PSD4: variants seen among roughly 807,000 people sequenced by gnomAD.
The protein encoded by PSD4 is PH and SEC7 domain-containing protein 4.
In PSD4, 59 loss-of-function variants were observed where a neutral mutation model predicts 112.5. The observed-to-expected ratio is 0.52, with a 90% confidence interval of 0.43 to 0.65. PSD4 has a LOEUF of 0.65. Ranked by LOEUF, PSD4 falls within the 30% of genes least tolerant of loss-of-function variation. The pLI, the probability that PSD4 is intolerant of heterozygous loss-of-function variation, is 0.00. For missense variants in PSD4, 1,267 were observed against 1,352.6 expected, an observed-to-expected ratio of 0.94 and a Z score of 0.99; for synonymous variants, 533 against 540.0, an observed-to-expected ratio of 0.99 and a Z score of 0.18.
chr2:113,192,846 C>G (rs1317800629), intron 6 of PSD4, among the ~76,000 whole-genome samples: 1 of 152,192 alleles, frequency 6.6e-6, no homozygotes, highest in Non-Finnish European at 1.5e-5. Flanking sequence ...CCAGTGTCTC[C>G]CAGTGTACAC....
chr2:113,182,700 G>A lies in PSD4; in HGVS notation c.244G>A (p.Asp82Asn). Residue 82 changes from aspartate (D) to asparagine (N), a missense_variant, in exon 2 of 17, where the codon GAC becomes AAC. Transcript: ENST00000245796. Reference sequence around the variant, plus strand: ...ACACCTGGGGAGCTGGGTCCATCAGGACGGGCTGGAGCCTTGCCAGGAGCA... The same window carrying A: ...ACACCTGGGGAGCTGGGTCCATCAGAACGGGCTGGAGCCTTGCCAGGAGCA... ...LTHLGSWVHQ[D>N]GLEPCQEQTR... 6.2e-7 allele frequency: 1 copy of A among 1,609,126 alleles called. No individual in the cohort carries two copies. Among genetic ancestry groups the A allele is most frequent in the Non-Finnish European group, 8.5e-7 (1 of 1,177,082 alleles).
intron 5 of PSD4, 39 bp downstream of exon 5, chr2:113,186,294 T>C (rs1394699502): frequency 6.6e-7 from 1 of 1,521,536 alleles, no homozygotes; most frequent in African/African-American, 1.4e-5. Flanking sequence ...CTCCTAATTA[T>C]GGATGCATTT....
chr2:113,190,538 G>T (rs1688416183), intron 5 of PSD4, among the ~76,000 whole-genome samples: 1 of 152,126 alleles, frequency 6.6e-6, no homozygotes, highest in South Asian at 2.1e-4. Context: ...AGGCTCAAGT[G>T]ATCTTCCCAC....
Position 113,185,012 on chromosome 2 carries a change from C to G in PSD4, c.1112C>G (p.Thr371Ser). The change falls in exon 3 of 17, where the codon ACC (threonine) becomes AGC (serine). Residue 371 changes from threonine (T) to serine (S), a missense_variant. By Grantham distance (58) the Thr-to-Ser change is moderately conservative. Coordinates refer to ENST00000245796, the MANE Select transcript of PSD4 (RefSeq NM_012455.3). Reference protein sequence around the residue: ...SAAPCVDEALTWESGCVGSDL... With the variant: ...SAAPCVDEALSWESGCVGSDL... ...GCACCGTGTGTGGACGAAGCATTGA[C>G]CTGGGAATCAGGATGTGTCGGATCT... 6.2e-7 allele frequency: 1 copy of G among 1,614,254 alleles called. No homozygotes were observed. Among genetic ancestry groups the G allele is most frequent in the Non-Finnish European group, 8.5e-7 (1 of 1,180,038 alleles).
chr2:113,193,796 T>TG, intron 9 of PSD4, 63 bp from the exon 10 acceptor site: 1 of 1,580,946 alleles, frequency 6.3e-7, no homozygotes, highest in Non-Finnish European at 8.7e-7. Context: ...GGTTGCTGGC[T>TG]GGGAGGTTAT....
intron 5 of PSD4, among the ~76,000 whole-genome samples, chr2:113,190,981 C>A (rs116306521): frequency 0.018 from 2,807 of 152,260 alleles, 43 homozygotes; most frequent in Middle Eastern, 0.048. Flanking sequence ...GATTTAGTTA[C>A]TTCTATTTTG....
Position 113,201,438 on chromosome 2 carries a change from CTG to C in PSD4, c.*25_*26del. 6.2e-7 allele frequency: 1 copy of C among 1,610,868 alleles called. No individual in the cohort carries two copies. Among genetic ancestry groups the C allele is most frequent in the Non-Finnish European group, 8.5e-7 (1 of 1,178,950 alleles). ...TGAAGCCAGCACCACCTCAGAGACA[CTG>C]TTCCCTGCTCCAGGGTAGACCTGAG... On this transcript the variant is annotated 3_prime_UTR_variant, in exon 17 of 17. Coordinates refer to ENST00000245796, the MANE Select transcript of PSD4 (RefSeq NM_012455.3).
In PSD4 at chr2:113,196,179, C is replaced by G; in HGVS notation, c.2258C>G (p.Ala753Gly). The G allele has an allele frequency of 6.2e-7, 1 of 1,613,634 alleles. No individual in the cohort carries two copies. Among genetic ancestry groups the G allele is most frequent in the Non-Finnish European group, 8.5e-7 (1 of 1,179,588 alleles). The change falls in exon 12 of 17, where the codon GCC (alanine) becomes GGC (glycine). Residue 753 changes from alanine to glycine, a missense_variant. Ala to Gly is a moderately conservative substitution (Grantham distance 60). This residue lies in a region of PSD4 where 544 missense variants were observed against 648.6 expected (regional missense o/e 0.84). Transcript: ENST00000245796. The part of the protein sequence containing the change: ...DEEDTARPEK[A>G]QPSLPAGKMS... ...GAAGACACAGCCAGACCTGAGAAGGCCCAGCCGTCCCTGCCAGCTGGCAAG... is the reference window on the plus strand; with the variant it reads ...GAAGACACAGCCAGACCTGAGAAGGGCCAGCCGTCCCTGCCAGCTGGCAAG...
chr2:113,192,022 C>T (rs1345810503), intron 5 of PSD4, among the ~76,000 whole-genome samples: 2 of 151,698 alleles, frequency 1.3e-5, no homozygotes, highest in Non-Finnish European at 2.9e-5. Flanking sequence ...ACAGGAGGAC[C>T]ACAGGACAGG....
intron 1 of PSD4, 135 bp from the exon 2 acceptor site, chr2:113,182,211 G>A: frequency 2.1e-6 from 1 of 470,564 alleles, no homozygotes; most frequent in Admixed American, 3.7e-5. Context: ...ACTCCCAGCA[G>A]GGCTGTGGAG....
At position 113,182,534 on chromosome 2, in the gene PSD4, G is replaced by T. The variant is rs776157593; in HGVS notation, c.78G>T (p.Glu26Asp). 1.9e-6 allele frequency: 3 copies of T among 1,614,186 alleles called. No individual in the cohort carries two copies. The highest frequency in any genetic ancestry group is 2.2e-5 in the East Asian group (1 of 44,876). The change falls in exon 2 of 17, where the codon GAG (glutamate) becomes GAT (aspartate). Residue 26 changes from glutamate (E) to aspartate (D), a missense_variant. By Grantham distance (45) the Glu-to-Asp change is conservative. Around this residue, in one of 2 missense-constraint regions of PSD4, gnomAD observed 723 missense variants for 704.0 expected, o/e 1.03. Transcript: ENST00000245796. The part of the protein sequence containing the change: ...ILNLYLGDSL[E>D]PHPGECPRET... ...ACCTGTACTTGGGAGACAGCCTGGA[G>T]CCCCACCCAGGAGAGTGCCCAAGGG...
Position 113,186,055 on chromosome 2 carries a change from C to G in PSD4, c.1428C>G (p.Ser476Arg). ...QEGSPQLQHHSSGILPKWTLD... is the reference protein window; with the variant it reads ...QEGSPQLQHHRSGILPKWTLD... ...GCAGCCCGCAGCTTCAACACCACAG[C>G]TCAGGCATTTTGCCCAAGTGGACAC... The change falls in exon 5 of 17, where the codon AGC becomes AGG. Residue 476 changes from serine to arginine, a missense_variant. Ser to Arg is a moderately radical substitution (Grantham distance 110). Coordinates refer to ENST00000245796, the MANE Select transcript of PSD4 (RefSeq NM_012455.3). 1 of 1,614,248 alleles carries G rather than the reference C, an allele frequency of 6.2e-7. No homozygotes were observed. Among genetic ancestry groups the G allele is most frequent in the Non-Finnish European group, 8.5e-7 (1 of 1,180,048 alleles).
intron 5 of PSD4, 22 bp downstream of exon 5, chr2:113,186,277 T>G: frequency 6.5e-7 from 1 of 1,539,874 alleles, no homozygotes; most frequent in Non-Finnish European, 8.7e-7. Flanking sequence ...ACTAACTGGC[T>G]CTCATGCTCC....
At chr2:113,187,328 C>T (rs1688327881) in intron 5 of PSD4, among the ~76,000 whole-genome samples, 1 of 152,232 alleles carries the variant, frequency 6.6e-6, no homozygotes, top group African/African-American at 2.4e-5. Flanking sequence ...GTCCTGTGGT[C>T]CTCCTATACC....
intron 11 of PSD4, 99 bp downstream of exon 11, chr2:113,195,869 T>C: frequency 6.6e-7 from 1 of 1,507,590 alleles, no homozygotes; most frequent in Non-Finnish European, 9.2e-7. Flanking sequence ...GAAACTCAGA[T>C]AGTGCTCCCC....
chr2:113,195,738 G>A lies in PSD4; in HGVS notation c.2193G>A (p.Trp731Ter). ...FPKELLKALY[W>*]SIRSEKLEWA... Reference sequence around the variant, plus strand: ...TGCTTCTGTTCCAGGCCCTCTACTGGTCTATCCGCAGCGAGAAGCTCGAGT... The same window carrying A: ...TGCTTCTGTTCCAGGCCCTCTACTGATCTATCCGCAGCGAGAAGCTCGAGT... The change falls in exon 11 of 17, where the codon TGG becomes TGA. Residue 731 changes from tryptophan to a stop codon, truncating the protein, a stop_gained. Coordinates refer to ENST00000245796, the MANE Select transcript of PSD4 (RefSeq NM_012455.3). LOFTEE classifies it high-confidence loss of function. The A allele has an allele frequency of 6.2e-7, 1 of 1,614,188 alleles. No homozygotes were observed. The highest frequency in any genetic ancestry group is 8.5e-7 in the Non-Finnish European group (1 of 1,180,040).
In PSD4 at chr2:113,201,497, G is replaced by A; in HGVS notation, c.*82G>A. ...CTCCCTGGAGGAGACTTATTTCAAT[G>A]AGTCCACCATGACGGATGAGGCACC... On this transcript the variant is annotated 3_prime_UTR_variant, in exon 17 of 17. Transcript: ENST00000245796. 2.6e-6 allele frequency: 4 copies of A among 1,532,666 alleles called. No individual in the cohort carries two copies. The highest frequency in any genetic ancestry group is 3.5e-6 in the Non-Finnish European group (4 of 1,128,294). The allele number at this position is 1,532,666 out of a possible 1,614,324, so 94.9% of individuals were successfully genotyped here.
Position 113,204,242 on chromosome 2 carries a change from C to G in PSD4, c.*2827C>G, listed in dbSNP as rs1233874322. The G allele has an allele frequency of 1.3e-5, 2 of 152,338 alleles. No individual in the cohort carries two copies. The highest frequency in any genetic ancestry group is 2.9e-5 in the Non-Finnish European group (2 of 68,124). The allele number at this position is 152,338 out of a possible 1,614,324, so 9.4% of individuals were successfully genotyped here. A position where few individuals can be genotyped will look rare whatever the true frequency, so the allele number is the denominator to read the frequency against. ...TCAACTTCGTAAAACCCACAGTGGC[C>G]TGGGCCAGGACTCCCACCATCTAGG... On this transcript the variant is annotated 3_prime_UTR_variant, in exon 17 of 17. Transcript: ENST00000245796.
In PSD4 at chr2:113,201,611, AC is replaced by A; in HGVS notation, c.*198del. The A allele has an allele frequency of 2.6e-6, 2 of 759,876 alleles. No individual in the cohort carries two copies. Among genetic ancestry groups the A allele is most frequent in the South Asian group, 1.9e-5 (1 of 52,948 alleles). 47.1% of individuals were successfully genotyped at this position (759,876 alleles called of 1,614,324 possible). ...CTTTCCTAATATTGCTGTGCTCCCC[AC>A]CACCCCCATGGCAGTCCCTCCGCAG... is the stretch of plus-strand genomic sequence containing the variant. On this transcript the variant is annotated 3_prime_UTR_variant, in exon 17 of 17. Transcript: ENST00000245796.
Sources: allele counts gnomAD v4.1 joint callset (sites outside exome capture counted in the v4.1 genomes callset), GRCh38; gene constraint gnomAD v4.1.1; regional missense constraint gnomAD v4.1.1; transcripts MANE v1.5; gene names NCBI Gene and HGNC (gene_info 2026-07-23, HGNC 2026-07-21).